CSMD1: variants seen among roughly 807,000 people sequenced by gnomAD.
The protein encoded by CSMD1 is CUB and Sushi multiple domains 1.
A neutral mutation model predicts 417.5 loss-of-function variants in CSMD1; 213 were observed. That is an observed-to-expected ratio of 0.51 (90% CI 0.46 to 0.57). The LOEUF (loss-of-function observed/expected upper bound fraction) is 0.57. Among genes scored for constraint, CSMD1 ranks in the 20% least tolerant of loss-of-function variants. The pLI, the probability that CSMD1 is intolerant of heterozygous loss-of-function variation, is 0.00. For synonymous variants in CSMD1, 2,862 were observed against 1,736.8 expected (o/e 1.65, Z -16.11); for missense variants, 6,923 against 4,529.7 (o/e 1.53, Z -15.17).
At chr8:3,160,071 C>G (rs1819786594) in intron 38 of CSMD1, among the ~76,000 whole-genome samples, 1 of 152,148 alleles carries the variant, frequency 6.6e-6, no homozygotes, top group South Asian at 2.1e-4. Context: ...CATGTCAGTA[C>G]AGATTGAGGT....
intron 25 of CSMD1, among the ~76,000 whole-genome samples, chr8:3,304,451 A>G (rs1216359244): frequency 6.6e-6 from 1 of 152,172 alleles, no homozygotes; most frequent in Admixed American, 6.5e-5. Context: ...TCACCATACT[A>G]AAAATTGCAT....
chr8:3,424,145 A>G (rs1813671722), intron 12 of CSMD1, among the ~76,000 whole-genome samples: 1 of 152,216 alleles, frequency 6.6e-6, no homozygotes, highest in East Asian at 1.9e-4. Context: ...TTTGTATCTA[A>G]GAGCATAATG....
At chr8:3,319,092 T>C (rs1171462064) in intron 23 of CSMD1, among the ~76,000 whole-genome samples, 2 of 152,204 alleles carry the variant, frequency 1.3e-5, no homozygotes, top group Middle Eastern at 3.2e-3. Context: ...TGGGGATGTT[T>C]ATGTGTCTTG....
At chr8:3,213,005 T>G (rs1324331576) in intron 30 of CSMD1, among the ~76,000 whole-genome samples, 2 of 151,854 alleles carry the variant, frequency 1.3e-5, no homozygotes, top group South Asian at 2.1e-4. Flanking sequence ...ATTTTTTGTA[T>G]TTTTAGTAGA....
intron 5 of CSMD1, among the ~76,000 whole-genome samples, chr8:3,942,508 T>A (rs1303860453): frequency 6.6e-6 from 1 of 152,140 alleles, no homozygotes; most frequent in African/African-American, 2.4e-5. Context: ...CTTCAGGGAC[T>A]ATAACCCTCA....
chr8:3,929,979 T>C (rs550280135), intron 5 of CSMD1, among the ~76,000 whole-genome samples: 6 of 150,576 alleles, frequency 4.0e-5, no homozygotes, highest in Non-Finnish European at 7.4e-5. Flanking sequence ...TATGATTAAA[T>C]TTTTAAAAAC....
intron 2 of CSMD1, among the ~76,000 whole-genome samples, chr8:4,589,449 G>C (rs539197165): frequency 2.6e-5 from 4 of 152,130 alleles, no homozygotes; most frequent in African/African-American, 9.7e-5. Flanking sequence ...AAGAATTAAA[G>C]GGTTAAGTTA....
chr8:4,168,040 A>C (rs1797553185), intron 3 of CSMD1, among the ~76,000 whole-genome samples: 1 of 151,962 alleles, frequency 6.6e-6, no homozygotes, highest in Admixed American at 6.6e-5. Context: ...GAGGCCGTAG[A>C]ATTGCTTGAA....
At chr8:3,697,632 G>C (rs1207399330) in intron 7 of CSMD1, among the ~76,000 whole-genome samples, 6 of 151,978 alleles carry the variant, frequency 3.9e-5, no homozygotes, top group African/African-American at 7.3e-5. Context: ...GAATTGTTTT[G>C]ACTCTGTGGG....
intron 1 of CSMD1, among the ~76,000 whole-genome samples, chr8:4,859,067 G>C (rs1801976443): frequency 2.0e-5 from 3 of 151,832 alleles, no homozygotes; most frequent in Admixed American, 2.0e-4. Context: ...CCAAAACAGA[G>C]ATATAGATCA....
intron 37 of CSMD1, among the ~76,000 whole-genome samples, chr8:3,177,245 A>G (rs1198895854): frequency 2.0e-5 from 3 of 152,154 alleles, no homozygotes; most frequent in African/African-American, 4.8e-5. Flanking sequence ...ATGCAGACGC[A>G]TGGGGAGTGT....
In CSMD1 at chr8:4,269,946, A is replaced by G. The variant is rs1021243336; in HGVS notation, c.415+150007T>C. 2.6e-5 allele frequency among the ~76,000 whole-genome samples: 4 copies of G among 152,278 alleles called. No individual in the cohort carries two copies. In the South Asian group the frequency reaches 6.2e-4, roughly 24 times the overall value. ...GGGCGTTCAAGCCAACAGTTGGGGGAAACCACGACCTCTCTGAGGCACAGC... is the reference window on the plus strand; with the variant it reads ...GGGCGTTCAAGCCAACAGTTGGGGGGAACCACGACCTCTCTGAGGCACAGC... On this transcript the variant is annotated intron_variant, in intron 3 of 69. Transcript: ENST00000635120.
intron 1 of CSMD1, among the ~76,000 whole-genome samples, chr8:4,798,683 C>T (rs1053173952): frequency 1.1e-4 from 16 of 151,984 alleles, no homozygotes; most frequent in African/African-American, 2.2e-4. Flanking sequence ...ATACACCAAA[C>T]TAATTTTCAG....
At chr8:3,884,363 C>G (rs1261693637) in intron 5 of CSMD1, among the ~76,000 whole-genome samples, 1 of 152,158 alleles carries the variant, frequency 6.6e-6, no homozygotes, top group Non-Finnish European at 1.5e-5. Context: ...CCCTAGAGAA[C>G]TGTTAGTGAC....
intron 26 of CSMD1, among the ~76,000 whole-genome samples, chr8:3,253,237 C>T (rs183603697): frequency 1.3e-5 from 2 of 152,172 alleles, no homozygotes; most frequent in African/African-American, 4.8e-5. Context: ...TGTCTTTGCT[C>T]TCGTTGGTTT....
At chr8:4,114,452 C>G (rs571023505) in intron 3 of CSMD1, among the ~76,000 whole-genome samples, 37 of 152,244 alleles carry the variant, frequency 2.4e-4, no homozygotes, top group African/African-American at 8.4e-4. Flanking sequence ...AGAGCTTGGA[C>G]AGAGATGCTT....
intron 1 of CSMD1, among the ~76,000 whole-genome samples, chr8:4,695,062 T>TG (rs1563158798): frequency 6.6e-6 from 1 of 152,204 alleles, no homozygotes; most frequent in East Asian, 1.9e-4. Context: ...CTTATGGGAA[T>TG]GTTCTTAACT....
chr8:4,243,523 T>C (rs1259875731), intron 3 of CSMD1, among the ~76,000 whole-genome samples: 1 of 152,152 alleles, frequency 6.6e-6, no homozygotes, highest in Non-Finnish European at 1.5e-5. Context: ...GGCTTATCTT[T>C]GTAACCAGAG....
At chr8:4,735,796 T>A (rs944056860) in intron 1 of CSMD1, among the ~76,000 whole-genome samples, 19 of 152,306 alleles carry the variant, frequency 1.2e-4, no homozygotes, top group Admixed American at 3.3e-4. Flanking sequence ...GAGGAATTTT[T>A]CCAAGGCTGC....
Sources: gnomAD v4.1 joint callset for allele counts (sites outside exome capture counted in the v4.1 genomes callset) on GRCh38, gnomAD v4.1.1 for gene constraint, MANE v1.5 for transcripts, NCBI Gene and HGNC (gene_info 2026-07-23, HGNC 2026-07-21) for gene names.